AK8: variants seen among roughly 807,000 people sequenced by gnomAD.
AK8 encodes the protein ATP-AMP transphosphorylase 8.
A neutral mutation model predicts 54.6 loss-of-function variants in AK8; 44 were observed. The ratio of observed to expected loss-of-function variants is 0.81; its 90% CI spans 0.63 to 1.04. The LOEUF (loss-of-function observed/expected upper bound fraction) is 1.04. AK8 is among the 50% of genes least tolerant of loss of function. The pLI, the probability that AK8 is intolerant of heterozygous loss-of-function variation, is 0.00. For synonymous variants in AK8, 239 were observed against 245.6 expected, an observed-to-expected ratio of 0.97 and a Z score of 0.25; for missense variants, 555 against 613.6, an observed-to-expected ratio of 0.90 and a Z score of 1.01.
chr9:132,793,974 G>C (rs996462503), intron 10 of AK8, among the ~76,000 whole-genome samples: 7 of 152,076 alleles, frequency 4.6e-5, no homozygotes, highest in Admixed American at 3.9e-4. Context: ...CTTCCACAGG[G>C]CCCCCCAGGC....
chr9:132,826,719 T>C lies in AK8; in HGVS notation c.757+135A>G. 2 of 1,039,682 alleles carry C rather than the reference T, an allele frequency of 1.9e-6. No individual in the cohort carries two copies. Among genetic ancestry groups the C allele is most frequent in the Non-Finnish European group, 2.8e-6 (2 of 713,918 alleles). 64.4% of individuals were successfully genotyped at this position (1,039,682 alleles called of 1,614,324 possible). Reference sequence around the variant, plus strand: ...TTCTGGGCAGGGAACCCGGGTCATCTATGTCTTGACTTCCAGGGTCCCAGG... The same window carrying C: ...TTCTGGGCAGGGAACCCGGGTCATCCATGTCTTGACTTCCAGGGTCCCAGG... On this transcript the variant is annotated intron_variant, in intron 8 of 12. Transcript: ENST00000298545. This position sits in a 1 kb window ranked among gnomAD's most constrained non-coding sequence, Gnocchi z 4.5.
chr9:132,874,935 C>A (rs1844021500), intron 2 of AK8, among the ~76,000 whole-genome samples, 180 bp downstream of exon 2: 1 of 152,128 alleles, frequency 6.6e-6, no homozygotes, highest in Non-Finnish European at 1.5e-5. Flanking sequence ...GTTGATGAAA[C>A]CCCTCCCTTC....
chr9:132,743,622 A>T (rs1264198576), intron 11 of AK8, among the ~76,000 whole-genome samples: 1 of 152,322 alleles, frequency 6.6e-6, no homozygotes, highest in Admixed American at 6.5e-5. Flanking sequence ...CTTTTCCATG[A>T]ATCCCTCTGT....
Position 132,739,441 on chromosome 9 carries a change from C to CAAAAA in AK8, c.1122-11912_1122-11908dup, listed in dbSNP as rs768297504. ...TGGGCAACAGAGAGTGACTCTGTCT[C>CAAAAA]AAAAAAAAAAAAAAAAAAAAAAAAA... On this transcript the variant is annotated intron_variant, in intron 11 of 12. Transcript: ENST00000298545. Among the ~76,000 whole-genome samples, 36 of 31,172 alleles carry CAAAAA rather than the reference C, an allele frequency of 1.2e-3. 7 individuals carry two copies. The highest frequency in any genetic ancestry group is 1.8e-3 in the Admixed American group (3 of 1,654). 20.5% of individuals were successfully genotyped at this position (31,172 alleles called of 152,430 possible).
chr9:132,755,408 C>T (rs1564384511), intron 11 of AK8, among the ~76,000 whole-genome samples: 1 of 152,132 alleles, frequency 6.6e-6, no homozygotes, highest in Non-Finnish European at 1.5e-5. Context: ...GGCTCTAAGG[C>T]AAACCTCAAA....
chr9:132,838,707 G>A (rs1420602167), intron 5 of AK8, among the ~76,000 whole-genome samples: 2 of 152,042 alleles, frequency 1.3e-5, no homozygotes, highest in South Asian at 2.1e-4. Context: ...CCTGTGCTAC[G>A]GCCTCATCCG....
chr9:132,807,820 T>C (rs2131227806), intron 10 of AK8, among the ~76,000 whole-genome samples: 1 of 152,274 alleles, frequency 6.6e-6, no homozygotes, highest in South Asian at 2.1e-4. Flanking sequence ...AAGACAGAAT[T>C]ATGGCCAATT....
chr9:132,847,171 ACAG>A (rs1491003108), intron 5 of AK8, among the ~76,000 whole-genome samples: 1 of 152,196 alleles, frequency 6.6e-6, no homozygotes, highest in Non-Finnish European at 1.5e-5. Flanking sequence ...CGGCCCAGAC[ACAG>A]CAGTTCCTGC....
intron 11 of AK8, among the ~76,000 whole-genome samples, chr9:132,749,103 A>G (rs2131006122): frequency 6.6e-6 from 1 of 151,940 alleles, no homozygotes; most frequent in East Asian, 1.9e-4. Context: ...CGAACTCCTG[A>G]CCTCAGGTGA....
chr9:132,843,941 G>C (rs1842638183), intron 5 of AK8, among the ~76,000 whole-genome samples: 2 of 152,196 alleles, frequency 1.3e-5, no homozygotes, highest in South Asian at 4.1e-4. Context: ...AACCAGGGTA[G>C]CTGTGGGGAG....
At chr9:132,859,441 A>G (rs1843298867) in intron 4 of AK8, among the ~76,000 whole-genome samples, 1 of 152,006 alleles carries the variant, frequency 6.6e-6, no homozygotes, top group Non-Finnish European at 1.5e-5. Context: ...GAAAAAAAAG[A>G]AAGGTGGCGA....
chr9:132,859,984 T>C (rs572887419), intron 4 of AK8, among the ~76,000 whole-genome samples: 17 of 152,118 alleles, frequency 1.1e-4, no homozygotes, highest in Non-Finnish European at 2.2e-4. Context: ...TGGGGCCATT[T>C]TGACATTCAT....
chr9:132,753,464 C>T (rs1461105089), intron 11 of AK8, among the ~76,000 whole-genome samples: 1 of 152,264 alleles, frequency 6.6e-6, no homozygotes, highest in Non-Finnish European at 1.5e-5. Flanking sequence ...CAAAGCTGCA[C>T]ACACTGTTTA....
rs1839899643 is a variant in AK8 at position 132,790,465 on chromosome 9, T to C, written c.1121+2169A>G. On this transcript the variant is annotated intron_variant, in intron 11 of 12. Transcript: ENST00000298545. The surrounding 1 kb of genome is among the most constrained non-coding windows in gnomAD (Gnocchi z 4.1). ...ACGGGTTTCACCATGTTAGCCAGGA[T>C]GGTCTCGATCTCCTGACCTCATGAT... Among the ~76,000 whole-genome samples the C allele has an allele frequency of 6.6e-6, 1 of 152,222 alleles. No homozygotes were observed.
intron 3 of AK8, among the ~76,000 whole-genome samples, chr9:132,865,656 T>C (rs1284141206): frequency 6.6e-6 from 1 of 151,522 alleles, no homozygotes; most frequent in Non-Finnish European, 1.5e-5. Flanking sequence ...CTACTAAAAA[T>C]ACAAAAATTA....
At chr9:132,873,905 T>C (rs1396926348) in intron 2 of AK8, among the ~76,000 whole-genome samples, 1 of 152,108 alleles carries the variant, frequency 6.6e-6, no homozygotes, top group Admixed American at 6.5e-5. Flanking sequence ...ACCTGTACCA[T>C]GTAATAAACA....
intron 11 of AK8, among the ~76,000 whole-genome samples, chr9:132,750,467 T>C (rs1177168847): frequency 6.6e-6 from 1 of 151,922 alleles, no homozygotes; most frequent in Non-Finnish European, 1.5e-5. Context: ...GGGGCAGCAG[T>C]GGCCAACAGA....
intron 2 of AK8, among the ~76,000 whole-genome samples, chr9:132,867,985 C>T (rs1294204523): frequency 6.6e-6 from 1 of 152,214 alleles, no homozygotes; most frequent in East Asian, 1.9e-4. Context: ...GGGGTCTGGA[C>T]AGATGCATCC....
chr9:132,849,394 C>T (rs898740943), intron 5 of AK8, among the ~76,000 whole-genome samples: 1 of 152,186 alleles, frequency 6.6e-6, no homozygotes, highest in African/African-American at 2.4e-5. Flanking sequence ...GTGTTGTGTA[C>T]GGCTGCCTTT....
Sources: allele counts gnomAD v4.1 joint callset (sites outside exome capture counted in the v4.1 genomes callset), GRCh38; gene constraint gnomAD v4.1.1; non-coding constraint Gnocchi (gnomAD v3.1); transcripts MANE v1.5; gene names NCBI Gene and HGNC (gene_info 2026-07-23, HGNC 2026-07-21).